Variants in ITGB7 observed in about 807,000 individuals in gnomAD.
ITGB7 encodes the protein integrin beta-7.
In ITGB7, 55 loss-of-function variants were observed where a neutral mutation model predicts 83.4. The ratio of observed to expected loss-of-function variants is 0.66; its 90% CI spans 0.53 to 0.83. ITGB7 has a LOEUF of 0.83. Among genes scored for constraint, ITGB7 ranks in the 40% least tolerant of loss-of-function variants. The pLI, the probability that ITGB7 is intolerant of heterozygous loss-of-function variation, is 0.00. For synonymous variants in ITGB7, 454 were observed against 423.6 expected (o/e 1.07, Z -0.88); for missense variants, 921 against 1,046.7 (o/e 0.88, Z 1.66).
At chr12:53,195,884 G>T (rs986768055) in intron 7 of ITGB7, among the ~76,000 whole-genome samples, 157 bp downstream of exon 7, 2 of 152,192 alleles carry the variant, frequency 1.3e-5, no homozygotes, top group Non-Finnish European at 2.9e-5. Flanking sequence ...TGACAAAGGT[G>T]TCCTGTCTCG....
Position 53,193,310 on chromosome 12 carries a change from G to T in ITGB7, c.1556C>A (p.Ser519Tyr). The T allele has an allele frequency of 6.2e-7, 1 of 1,610,652 alleles. No homozygotes were observed. Among genetic ancestry groups the T allele is most frequent in the Non-Finnish European group, 8.5e-7 (1 of 1,177,390 alleles). Reference protein sequence around the residue: ...RLCECSVAELSSPDLESGCRA... With the variant: ...RLCECSVAELYSPDLESGCRA... ...GCACCCAGATTCCAGGTCTGGGGAG[G>T]ACAGCTCTGCCACAGAGCACTCACA... The change falls in exon 12 of 16, where the codon TCC becomes TAC. Residue 519 changes from serine to tyrosine, a missense_variant. Physicochemically the swap from Ser to Tyr is moderately radical, Grantham distance 144. Transcript: ENST00000267082.
In ITGB7 at chr12:53,196,746, G is replaced by A; in HGVS notation, c.649C>T (p.Pro217Ser). 6.2e-7 allele frequency: 1 copy of A among 1,613,834 alleles called. No individual in the cohort carries two copies. ...GACTGGCAGCGCTCCAGCCGGGTGGGGCAGGGGTGGCGCAGTTTGGAGGGT... is the reference window on the plus strand; with the variant it reads ...GACTGGCAGCGCTCCAGCCGGGTGGAGCAGGGGTGGCGCAGTTTGGAGGGT... Reference protein sequence around the residue: ...TVPSKLRHPCPTRLERCQSPF... With the variant: ...TVPSKLRHPCSTRLERCQSPF... The change falls in exon 6 of 16, where the codon CCC becomes TCC. Residue 217 changes from proline to serine, a missense_variant. Transcript: ENST00000267082.
intron 5 of ITGB7, 86 bp downstream of exon 5, chr12:53,197,407 C>T (rs1273385475): frequency 1.3e-6 from 2 of 1,508,766 alleles, no homozygotes; most frequent in African/African-American, 2.7e-5. Flanking sequence ...AAGTTGGGGC[C>T]CTTGTGAGTC....
At position 53,194,325 on chromosome 12, in the gene ITGB7, G is replaced by A; in HGVS notation, c.1181C>T (p.Thr394Ile). 1 of 1,614,050 alleles carries A rather than the reference G, an allele frequency of 6.2e-7. No individual in the cohort carries two copies. The highest frequency in any genetic ancestry group is 1.1e-5 in the South Asian group (1 of 91,074). The stretch of plus-strand genomic sequence containing the variant: ...AGGAGGGAGTGAAGAGTGTTCAAGG[G>A]TCACGGTGGAAGACAGGCTCTATGG... ...DAYNSLSSTV[T>I]LEHSSLPPGV... The change falls in exon 10 of 16, where the codon ACC becomes ATC. Residue 394 changes from threonine to isoleucine, a missense_variant. Coordinates refer to ENST00000267082, the MANE Select transcript of ITGB7 (RefSeq NM_000889.3).
chr12:53,196,592 G>A lies in ITGB7; in HGVS notation c.803C>T (p.Ala268Val). Residue 268 changes from alanine to valine, a missense_variant, in exon 6 of 16, where the codon GCT (alanine) becomes GTT (valine). Coordinates refer to ENST00000267082, the MANE Select transcript of ITGB7 (RefSeq NM_000889.3). ...PEGGFDAILQ[A>V]ALCQEQIGWR... ...CCACCTCCTCACCTGGCAGAGTGCAGCCTGCAGAATGGCATCGAAGCCACC... is the reference window on the plus strand; with the variant it reads ...CCACCTCCTCACCTGGCAGAGTGCAACCTGCAGAATGGCATCGAAGCCACC... 2 of 1,612,456 alleles carry A rather than the reference G, an allele frequency of 1.2e-6. No individual in the cohort carries two copies. Among genetic ancestry groups the A allele is most frequent in the Non-Finnish European group, 1.7e-6 (2 of 1,178,714 alleles).
rs1565704977 is a variant in ITGB7, at chr12:53,197,659, C to CT, written c.407dup (p.Pro137AlafsTer12). ...GGAAGCGGACCTGGAGCTGCTGGGG[C>CT]TCCCCTAGGGGGTGGGCGGCGGGCG... On this transcript the variant is annotated frameshift_variant, in exon 5 of 16. Coordinates refer to ENST00000267082, the MANE Select transcript of ITGB7 (RefSeq NM_000889.3). LOFTEE classifies it high-confidence loss of function. 1 of 1,613,570 alleles carries CT rather than the reference C, an allele frequency of 6.2e-7. No homozygotes were observed. Among genetic ancestry groups the CT allele is most frequent in the Non-Finnish European group, 8.5e-7 (1 of 1,179,768 alleles).
chr12:53,207,120 GC>G, intron 1 of ITGB7, 81 bp downstream of exon 1: 1 of 152,850 alleles, frequency 6.5e-6, no homozygotes. Flanking sequence ...CCAGGTCAGA[GC>G]CCTCTTCCCA....
chr12:53,192,202 G>C, intron 14 of ITGB7, 128 bp downstream of exon 14: 1 of 1,229,778 alleles, frequency 8.1e-7, no homozygotes. Flanking sequence ...AATTGCCTCT[G>C]CCTTTGTCCT....
In ITGB7 at chr12:53,197,545, G is replaced by A; in HGVS notation, c.522C>T (p.Leu174=). The change falls in exon 5 of 16, where the codon CTC becomes CTT. Residue 174 remains leucine (L), a synonymous_variant. Transcript: ENST00000267082. ...GCAGCCGGACCAGCAGAGCGTGCCC[G>A]AGCTGGCGCACGCGTTCCAGGTCGT... ...MKDDLERVRQ[L]GHALLVRLQE... 2 of 1,614,068 alleles carry A rather than the reference G, an allele frequency of 1.2e-6. No individual in the cohort carries two copies. The highest frequency in any genetic ancestry group is 8.5e-7 in the Non-Finnish European group (1 of 1,180,026).
chr12:53,197,405 G>A, intron 5 of ITGB7, 88 bp downstream of exon 5: 1 of 1,490,174 alleles, frequency 6.7e-7, no homozygotes, highest in Non-Finnish European at 9.4e-7. Flanking sequence ...GCAAGTTGGG[G>A]CCCTTGTGAG....
intron 3 of ITGB7, among the ~76,000 whole-genome samples, chr12:53,199,207 GC>G (rs1017553808): frequency 6.6e-6 from 1 of 152,034 alleles, no homozygotes; most frequent in African/African-American, 2.4e-5. Context: ...AGGCAGACCT[GC>G]CCCCATCCCA....
At chr12:53,200,632 C>T (rs373055264) in intron 2 of ITGB7, among the ~76,000 whole-genome samples, 186 bp from the exon 3 acceptor site, 99 of 152,182 alleles carry the variant, frequency 6.5e-4, no homozygotes, top group African/African-American at 2.3e-3. Context: ...GCAGGTATCA[C>T]GCAAAGGTAG....
intron 5 of ITGB7, chr12:53,197,065 A>G (rs1942187438): frequency 8.7e-6 from 5 of 574,162 alleles, no homozygotes; most frequent in Non-Finnish European, 1.6e-5. Flanking sequence ...AAGGCGGAAG[A>G]AGGCCCGGGT....
At position 53,197,906 on chromosome 12, in the gene ITGB7, G is replaced by C. The variant is rs1350104338; in HGVS notation, c.247C>G (p.Arg83Gly). ...CAGCCTCGAGCCAGCAGCTCCTCTC[G>C]TCGGGCGCAGCGCCGCGCCTCCGCC... ...GEAEARRCARREELLARGCPL... is the reference protein window; with the variant it reads ...GEAEARRCARGEELLARGCPL... The change falls in exon 4 of 16, where the codon CGA becomes GGA. Residue 83 changes from arginine (R) to glycine (G), a missense_variant. Transcript: ENST00000267082. The C allele has an allele frequency of 1.3e-6, 2 of 1,546,036 alleles. No individual in the cohort carries two copies. Among genetic ancestry groups the C allele is most frequent in the South Asian group, 2.4e-5 (2 of 85,094 alleles).
Position 53,192,948 on chromosome 12 carries a change from C to G in ITGB7, c.1727-38G>C, listed in dbSNP as rs1565698996. Reference sequence around the variant, plus strand: ...CATGCAGAGGGTGACAACCATACTCCACACACACAGTTGGCCATCATGTGG... The same window carrying G: ...CATGCAGAGGGTGACAACCATACTCGACACACACAGTTGGCCATCATGTGG... On this transcript the variant is annotated intron_variant, in intron 12 of 15. Transcript: ENST00000267082. The G allele has an allele frequency of 3.1e-6, 5 of 1,588,238 alleles. No individual in the cohort carries two copies. In the East Asian group the frequency reaches 6.8e-5, roughly 21 times the overall value.
At chr12:53,193,029 C>A in intron 12 of ITGB7, 111 bp downstream of exon 12, 1 of 1,357,166 alleles carries the variant, frequency 7.4e-7, no homozygotes, top group Non-Finnish European at 1.0e-6. Context: ...ACCCTCTAAC[C>A]CATACACCGG....
intron 15 of ITGB7, 104 bp downstream of exon 15, chr12:53,191,755 T>G: frequency 6.5e-7 from 1 of 1,533,708 alleles, no homozygotes; most frequent in Admixed American, 1.7e-5. Context: ...GCAGAGGGGT[T>G]GGTTACATGT....
At chr12:53,197,721 C>G (rs1942213292) in intron 4 of ITGB7, 29 bp downstream of exon 4, 3 of 1,590,526 alleles carry the variant, frequency 1.9e-6, no homozygotes, top group South Asian at 2.3e-5. Flanking sequence ...GCCTAGACCT[C>G]TGGCCTGGCC....
rs1252965225 is a variant in ITGB7, at chr12:53,193,757, C to T, written c.1453G>A (p.Ala485Thr). 6.2e-7 allele frequency: 1 copy of T among 1,613,986 alleles called. No individual in the cohort carries two copies. ...DCNCSDTQPQAPHCSDGQGHL... is the reference protein window; with the variant it reads ...DCNCSDTQPQTPHCSDGQGHL... ...CCCTGGCCATCACTGCAGTGGGGAG[C>T]CTGGGGCTGGGTGTCACTGCAATTA... The change falls in exon 11 of 16, where the codon GCT (alanine) becomes ACT (threonine). Residue 485 changes from alanine (A) to threonine (T), a missense_variant. Physicochemically the swap from Ala to Thr is moderately conservative, Grantham distance 58. Coordinates refer to ENST00000267082, the MANE Select transcript of ITGB7 (RefSeq NM_000889.3).
Sources: gnomAD v4.1 joint callset for allele counts (sites outside exome capture counted in the v4.1 genomes callset) on GRCh38, gnomAD v4.1.1 for gene constraint, MANE v1.5 for transcripts, NCBI Gene and HGNC (gene_info 2026-07-23, HGNC 2026-07-21) for gene names.